The following ADGRV1 variants were observed in gnomAD, a reference collection of about 807,000 sequenced individuals.
The protein encoded by ADGRV1 is adhesion G protein-coupled receptor V1.
ADGRV1 carries 359 observed loss-of-function variants against 596.2 expected under a neutral mutation model. That is an observed-to-expected ratio of 0.60 (90% CI 0.55 to 0.66). The LOEUF (loss-of-function observed/expected upper bound fraction) is 0.66. Ranked by LOEUF, ADGRV1 falls within the 30% of genes least tolerant of loss-of-function variation. The pLI is 0.00. For missense variants in ADGRV1, 7,274 were observed against 7,575.6 expected (o/e 0.96, Z 1.48); for synonymous variants, 2,681 against 2,679.2 (o/e 1.00, Z -0.02).
chr5:90,901,375 A>G (rs1417932315), intron 83 of ADGRV1, among the ~76,000 whole-genome samples: 1 of 152,194 alleles, frequency 6.6e-6, no homozygotes, highest in Non-Finnish European at 1.5e-5. Flanking sequence ...AGTATAATCA[A>G]GTAAGCATCC....
At chr5:90,651,955 C>A (rs766707281) in intron 18 of ADGRV1, among the ~76,000 whole-genome samples, 1 of 151,570 alleles carries the variant, frequency 6.6e-6, no homozygotes, top group Non-Finnish European at 1.5e-5. Context: ...CCACCCCCCT[C>A]GTTCAAACTT....
intron 85 of ADGRV1, among the ~76,000 whole-genome samples, chr5:91,063,084 A>C (rs1787589917): frequency 6.7e-6 from 1 of 149,702 alleles, no homozygotes; most frequent in African/African-American, 2.5e-5. Context: ...TCACCCTCCG[A>C]GAAACTGGGA....
chr5:90,720,223 G>A lies in ADGRV1; in HGVS notation c.9623G>A (p.Arg3208Lys), dbSNP rs1750733713. Residue 3208 changes from arginine to lysine, a missense_variant and splice_region_variant, in exon 44 of 90, where the codon AGA becomes AAA. Coordinates refer to ENST00000405460, the MANE Select transcript of ADGRV1 (RefSeq NM_032119.4). Reference sequence around the variant, plus strand: ...TTCAGTATCTCTGCAGTTGAAAATAGGTATAGTTTATTCATAAGGAAATTA... The same window carrying A: ...TTCAGTATCTCTGCAGTTGAAAATAAGTATAGTTTATTCATAAGGAAATTA... ...GLFSISAVEN[R>K]ATSIDIEEAN... 2 of 1,529,250 alleles carry A rather than the reference G, an allele frequency of 1.3e-6. No homozygotes were observed. The highest frequency in any genetic ancestry group is 1.8e-6 in the Non-Finnish European group (2 of 1,135,430). 94.7% of individuals were successfully genotyped at this position (1,529,250 alleles called of 1,614,324 possible). A position where few individuals can be genotyped will look rare whatever the true frequency, so the allele number is the denominator to read the frequency against.
At chr5:90,715,763 G>T (rs772320663) in intron 42 of ADGRV1, among the ~76,000 whole-genome samples, 4 of 151,900 alleles carry the variant, frequency 2.6e-5, no homozygotes, top group Non-Finnish European at 5.9e-5. Context: ...CCACTTCCCA[G>T]CTTGTAAACT....
Position 90,704,893 on chromosome 5 carries a change from C to T in ADGRV1, c.8386+405C>T, listed in dbSNP as rs537197257. Among the ~76,000 whole-genome samples the T allele has an allele frequency of 3.9e-5, 6 of 152,064 alleles. No individual in the cohort carries two copies. The South Asian group carries it at 6.2e-4, about 16-fold the overall frequency. ...TGGCGCGATCTCGGTTCACTGCAGC[C>T]GCCGCCTCCCGGGTTCAAGCGATTC... On this transcript the variant is annotated intron_variant, in intron 36 of 89. Coordinates refer to ENST00000405460, the MANE Select transcript of ADGRV1 (RefSeq NM_032119.4).
In ADGRV1 at chr5:90,778,463, T is replaced by A. The variant is rs762967342; in HGVS notation, c.12703T>A (p.Tyr4235Asn). 4 of 1,613,178 alleles carry A rather than the reference T, an allele frequency of 2.5e-6. No homozygotes were observed. The South Asian group carries it at 3.3e-5, about 13-fold the overall frequency. Residue 4235 changes from tyrosine (Y) to asparagine (N), a missense_variant, in exon 63 of 90, where the codon TAT (tyrosine) becomes AAT (asparagine). By Grantham distance (143) the Tyr-to-Asn change is moderately radical. Around this residue, in one of 5 missense-constraint regions of ADGRV1, gnomAD observed 3,643 missense variants for 3,809.2 expected, o/e 0.96. Transcript: ENST00000405460. ...TGACATTCCCGAGGAAAAAAGCTTC[T>A]ATGAGTTTCAGCTCACTGCAGTCAG... ...NDDIPEEKSF[Y>N]EFQLTAVSEG...
intron 85 of ADGRV1, among the ~76,000 whole-genome samples, chr5:91,060,006 G>A (rs540539313): frequency 2.6e-5 from 4 of 152,044 alleles, no homozygotes; most frequent in South Asian, 2.1e-4. Context: ...AAACACCAAC[G>A]TCCTTACATA....
intron 83 of ADGRV1, among the ~76,000 whole-genome samples, chr5:90,938,609 A>G (rs1775911559): frequency 1.3e-5 from 2 of 152,136 alleles, no homozygotes; most frequent in South Asian, 4.1e-4. Context: ...TTCACTCAAC[A>G]CATATTTTAT....
At chr5:91,048,200 C>T (rs932409665) in intron 85 of ADGRV1, among the ~76,000 whole-genome samples, 1 of 152,210 alleles carries the variant, frequency 6.6e-6, no homozygotes, top group African/African-American at 2.4e-5. Flanking sequence ...AGTTGGCTGC[C>T]ATCCTCTGGA....
intron 85 of ADGRV1, among the ~76,000 whole-genome samples, chr5:91,008,688 G>C (rs986820889): frequency 6.6e-6 from 1 of 151,852 alleles, no homozygotes; most frequent in Non-Finnish European, 1.5e-5. Flanking sequence ...GTTTTTAGTA[G>C]AGAGGGGGTC....
intron 1 of ADGRV1, among the ~76,000 whole-genome samples, chr5:90,590,622 C>T (rs1759365371): frequency 6.6e-6 from 1 of 152,176 alleles, no homozygotes; most frequent in Admixed American, 6.5e-5. Flanking sequence ...CTACTCCATT[C>T]TTTTGGTTTA....
intron 77 of ADGRV1, among the ~76,000 whole-genome samples, chr5:90,834,313 T>G (rs907027002): frequency 1.6e-4 from 25 of 152,300 alleles, no homozygotes; most frequent in Admixed American, 1.2e-3. Flanking sequence ...CCGTTAGCAT[T>G]TCTTGTAGGA....
At position 90,653,517 on chromosome 5, in the gene ADGRV1, C is replaced by A. The variant is rs764685377; in HGVS notation, c.3943C>A (p.Gln1315Lys). ...VGIFPTTVHL[Q>K]QHMRRHHSGT... is the part of the protein sequence containing the mutation. ...AATTTTCCCCACCACCGTGCATTTA[C>A]AACAGCACATGCGGCGTCACCACAG... The change falls in exon 20 of 90, where the codon CAA becomes AAA. Residue 1315 changes from glutamine (Q) to lysine (K), a missense_variant. Around this residue, in one of 5 missense-constraint regions of ADGRV1, gnomAD observed 1,715 missense variants for 1,708.8 expected, o/e 1.00. Transcript: ENST00000405460. 2 of 1,613,906 alleles carry A rather than the reference C, an allele frequency of 1.2e-6. No homozygotes were observed. Among genetic ancestry groups the A allele is most frequent in the African/African-American group, 2.7e-5 (2 of 75,032 alleles).
At chr5:91,058,819 G>T (rs769457392) in intron 85 of ADGRV1, among the ~76,000 whole-genome samples, 1 of 152,114 alleles carries the variant, frequency 6.6e-6, no homozygotes, top group African/African-American at 2.4e-5. Context: ...GTGGACACAG[G>T]CAGACAATCA....
intron 36 of ADGRV1, among the ~76,000 whole-genome samples, chr5:90,705,194 A>G (rs1748437553): frequency 6.6e-6 from 1 of 152,206 alleles, no homozygotes; most frequent in Admixed American, 6.5e-5. Context: ...AGTATAACCA[A>G]TAATGACAGT....
At chr5:91,134,593 A>G (rs1582161112) in intron 87 of ADGRV1, among the ~76,000 whole-genome samples, 1 of 152,150 alleles carries the variant, frequency 6.6e-6, no homozygotes, top group East Asian at 1.9e-4. Flanking sequence ...TAGATTCACT[A>G]TTTTTCACTA....
intron 52 of ADGRV1, among the ~76,000 whole-genome samples, chr5:90,750,214 A>C (rs1039455274): frequency 6.6e-6 from 1 of 152,236 alleles, no homozygotes; most frequent in African/African-American, 2.4e-5. Context: ...AACTTTTTAC[A>C]TGCTATGAAT....
rs1186186772 is a variant in ADGRV1, at chr5:90,733,250, G to A, written c.10549+3486G>A. 2.6e-5 allele frequency among the ~76,000 whole-genome samples: 4 copies of A among 152,314 alleles called. No individual in the cohort carries two copies. The East Asian group carries it at 5.8e-4, about 22-fold the overall frequency. On this transcript the variant is annotated intron_variant, in intron 50 of 89. Coordinates refer to ENST00000405460, the MANE Select transcript of ADGRV1 (RefSeq NM_032119.4). ...TACCTTGGCAACTGGGAGGAGAATG[G>A]TTTTAAATTAGGAAAAGACACAGAA...
In ADGRV1 at chr5:90,811,003, C is replaced by G; in HGVS notation, c.15743C>G (p.Thr5248Ser). The change falls in exon 74 of 90, where the codon ACT (threonine) becomes AGT (serine). Residue 5248 changes from threonine (T) to serine (S), a missense_variant. Transcript: ENST00000405460. ...FNTAEVLIRR[T>S]GGFTGNVSIT... ...ACTGCAGAAGTTCTTATCCGAAGAA[C>G]TGGTGGGTTTACTGGCAATGTCAGC... is the stretch of plus-strand genomic sequence containing the variant. The G allele has an allele frequency of 6.2e-7, 1 of 1,613,988 alleles. No homozygotes were observed. Among genetic ancestry groups the G allele is most frequent in the East Asian group, 2.2e-5 (1 of 44,890 alleles).
Sources: allele counts gnomAD v4.1 joint callset (sites outside exome capture counted in the v4.1 genomes callset), GRCh38; gene constraint gnomAD v4.1.1; regional missense constraint gnomAD v4.1.1; transcripts MANE v1.5; gene names NCBI Gene and HGNC (gene_info 2026-07-23, HGNC 2026-07-21).